LRRC8D: variants seen among roughly 807,000 people sequenced by gnomAD.
LRRC8D encodes the protein volume-regulated anion channel subunit LRRC8D.
Under a neutral mutation model 55.8 loss-of-function variants are expected in LRRC8D, and 20 were observed. The ratio of observed to expected loss-of-function variants is 0.36; its 90% CI spans 0.25 to 0.52. The LOEUF (loss-of-function observed/expected upper bound fraction) is 0.52, where lower values mean the gene tolerates loss of function less well. LRRC8D is among the 20% of genes least tolerant of loss of function. The pLI is 0.93. For missense variants in LRRC8D, 651 were observed against 1,030.8 expected (o/e 0.63, Z 5.05); for synonymous variants, 352 against 377.0 (o/e 0.93, Z 0.77).
chr1:89,933,101 T>C lies in LRRC8D; in HGVS notation c.33T>C (p.Asn11=). Residue 11 remains asparagine, a synonymous_variant, in exon 3 of 3, where the codon AAT becomes AAC. Coordinates refer to ENST00000337338, the MANE Select transcript of LRRC8D (RefSeq NM_001134479.2). The surrounding 1 kb of genome is among the most constrained non-coding windows in gnomAD (Gnocchi z 7.0). MFTLAEVASL[N]DIQPTYRILK... ...CCCTTGCGGAAGTTGCATCACTTAA[T>C]GACATTCAGCCAACTTACCGAATCC... 1 of 1,612,054 alleles carries C rather than the reference T, an allele frequency of 6.2e-7. No individual in the cohort carries two copies. Among genetic ancestry groups the C allele is most frequent in the Non-Finnish European group, 8.5e-7 (1 of 1,178,128 alleles).
At chr1:89,880,172 T>C (rs1044831727) in intron 2 of LRRC8D, among the ~76,000 whole-genome samples, 1 of 151,146 alleles carries the variant, frequency 6.6e-6, no homozygotes, top group Non-Finnish European at 1.5e-5. Flanking sequence ...TATAGATGTG[T>C]AAGCAGGGAA....
chr1:89,893,116 A>G (rs1662621436), intron 2 of LRRC8D, among the ~76,000 whole-genome samples: 1 of 152,232 alleles, frequency 6.6e-6, no homozygotes, highest in Non-Finnish European at 1.5e-5. Flanking sequence ...AAGATAATAT[A>G]AAATAGCTGT....
chr1:89,855,245 TGAAGGATTTCATCACTCTTCTGAGTTG>T (rs1162565817), intron 2 of LRRC8D, among the ~76,000 whole-genome samples: 2 of 152,222 alleles, frequency 1.3e-5, no homozygotes, highest in Non-Finnish European at 1.5e-5. Context: ...CTATAGATTT[TGAAGGATTTCATCACTCTTCTGAGTTG>T]GCTGTATTCT....
intron 2 of LRRC8D, among the ~76,000 whole-genome samples, chr1:89,855,884 C>G (rs1197004774): frequency 1.3e-5 from 2 of 152,124 alleles, no homozygotes; most frequent in Admixed American, 1.3e-4. Flanking sequence ...CAATAGAGAT[C>G]AAAGATTCAC....
At chr1:89,910,900 T>C (rs1258297363) in intron 2 of LRRC8D, among the ~76,000 whole-genome samples, 3 of 152,194 alleles carry the variant, frequency 2.0e-5, no homozygotes, top group African/African-American at 7.2e-5. Flanking sequence ...CCTGTAAATA[T>C]GCCAGCAGTG....
chr1:89,835,108 C>A (rs964414068), intron 1 of LRRC8D, among the ~76,000 whole-genome samples: 3 of 152,110 alleles, frequency 2.0e-5, no homozygotes, highest in Non-Finnish European at 4.4e-5. Flanking sequence ...TTGGGAGTTT[C>A]CTAAATGTGC....
chr1:89,908,640 G>A (rs1249509656), intron 2 of LRRC8D, among the ~76,000 whole-genome samples: 4 of 152,238 alleles, frequency 2.6e-5, no homozygotes, highest in Admixed American at 2.0e-4. Flanking sequence ...TGAAATGCTA[G>A]TCAGGTTTTT....
chr1:89,875,396 G>C (rs72716334), intron 2 of LRRC8D, among the ~76,000 whole-genome samples: 212 of 152,318 alleles, frequency 1.4e-3, no homozygotes, highest in Non-Finnish European at 2.4e-3. Flanking sequence ...ATGCCAAGCA[G>C]TGTTTTAGAA....
chr1:89,921,953 C>T (rs904260984), intron 2 of LRRC8D, among the ~76,000 whole-genome samples: 1 of 152,166 alleles, frequency 6.6e-6, no homozygotes, highest in Non-Finnish European at 1.5e-5. Flanking sequence ...AGTCACCAAG[C>T]TACCCACATT....
chr1:89,858,775 C>T (rs1473360948), intron 2 of LRRC8D, among the ~76,000 whole-genome samples: 1 of 151,708 alleles, frequency 6.6e-6, no homozygotes. Flanking sequence ...AAAGCAGATG[C>T]CTTTTTCTGT....
At chr1:89,899,631 T>G (rs571260838) in intron 2 of LRRC8D, among the ~76,000 whole-genome samples, 28 of 152,362 alleles carry the variant, frequency 1.8e-4, no homozygotes, top group Admixed American at 5.2e-4. Context: ...TTTGAAAATT[T>G]TGTGCATCTG....
At chr1:89,921,434 TTAAA>T (rs1361550541) in intron 2 of LRRC8D, among the ~76,000 whole-genome samples, 3 of 152,262 alleles carry the variant, frequency 2.0e-5, no homozygotes, top group Non-Finnish European at 4.4e-5. Context: ...AAATTCTTAT[TTAAA>T]TAATATTTCA....
intron 2 of LRRC8D, among the ~76,000 whole-genome samples, chr1:89,857,556 G>A (rs138628896): frequency 1.4e-3 from 213 of 152,142 alleles, no homozygotes; most frequent in Non-Finnish European, 1.3e-3. Flanking sequence ...AAATCACAGC[G>A]AAATAAGCTG....
intron 1 of LRRC8D, among the ~76,000 whole-genome samples, chr1:89,834,956 G>C (rs925641158): frequency 1.3e-5 from 2 of 152,244 alleles, no homozygotes; most frequent in African/African-American, 2.4e-5. Context: ...GAGGAATTTA[G>C]ACTTCACTTG....
At chr1:89,845,303 C>G (rs1661246244) in intron 2 of LRRC8D, among the ~76,000 whole-genome samples, 1 of 152,168 alleles carries the variant, frequency 6.6e-6, no homozygotes, top group Non-Finnish European at 1.5e-5. Context: ...CCAAAATGCA[C>G]TATGAAAACT....
At chr1:89,891,047 A>G (rs1421772697) in intron 2 of LRRC8D, among the ~76,000 whole-genome samples, 2 of 151,984 alleles carry the variant, frequency 1.3e-5, no homozygotes, top group Non-Finnish European at 2.9e-5. Flanking sequence ...ATGCCCAGCT[A>G]ATTTTTGTAT....
At chr1:89,932,586 A>G (rs1373079564) in intron 2 of LRRC8D, among the ~76,000 whole-genome samples, 1 of 152,234 alleles carries the variant, frequency 6.6e-6, no homozygotes, top group Non-Finnish European at 1.5e-5. Context: ...GGAAATACAC[A>G]AGGCTTAAGG....
At chr1:89,831,983 A>G (rs886943630) in intron 1 of LRRC8D, among the ~76,000 whole-genome samples, 1 of 152,200 alleles carries the variant, frequency 6.6e-6, no homozygotes, top group Non-Finnish European at 1.5e-5. Flanking sequence ...TTGAAGGGCC[A>G]GCCTCCAGGG....
intron 1 of LRRC8D, among the ~76,000 whole-genome samples, chr1:89,840,901 G>A (rs1269209711): frequency 1.3e-5 from 2 of 152,094 alleles, no homozygotes; most frequent in African/African-American, 4.8e-5. Context: ...CAAAAATGAA[G>A]GAGGGATACC....
Sources: allele counts gnomAD v4.1 joint callset (sites outside exome capture counted in the v4.1 genomes callset), GRCh38; gene constraint gnomAD v4.1.1; non-coding constraint Gnocchi (gnomAD v3.1); transcripts MANE v1.5; gene names NCBI Gene and HGNC (gene_info 2026-07-23, HGNC 2026-07-21).